Variants in KDM2A observed in about 807,000 individuals in gnomAD.
KDM2A encodes lysine-specific demethylase 2A.
A neutral mutation model predicts 137.3 loss-of-function variants in KDM2A; 3 were observed. That is an observed-to-expected ratio of 0.02 (90% CI 0.01 to 0.06). KDM2A has a LOEUF of 0.06. Among genes scored for constraint, KDM2A ranks in the 10% least tolerant of loss-of-function variants. The pLI is 1.00. For synonymous variants in KDM2A, 512 were observed against 541.5 expected, an observed-to-expected ratio of 0.95 and a Z score of 0.76; for missense variants, 738 against 1,510.6, an observed-to-expected ratio of 0.49 and a Z score of 8.48.
chr11:67,238,614 C>T (rs1252340412), intron 12 of KDM2A, among the ~76,000 whole-genome samples: 1 of 152,088 alleles, frequency 6.6e-6, no homozygotes, highest in Non-Finnish European at 1.5e-5. Context: ...ATAAAAATAA[C>T]ATATGTAGCC....
chr11:67,213,047 T>A (rs1458095394), intron 6 of KDM2A, among the ~76,000 whole-genome samples: 1 of 152,218 alleles, frequency 6.6e-6, no homozygotes, highest in Non-Finnish European at 1.5e-5. Flanking sequence ...CAGAAATTCT[T>A]TGAAATGGAA....
chr11:67,208,436 A>G (rs1426612318), intron 6 of KDM2A, among the ~76,000 whole-genome samples: 1 of 151,898 alleles, frequency 6.6e-6, no homozygotes, highest in East Asian at 1.9e-4. Flanking sequence ...AACTTAATGT[A>G]GGAACATTGA....
chr11:67,249,569 T>A (rs141329683), intron 16 of KDM2A, among the ~76,000 whole-genome samples: 2 of 152,168 alleles, frequency 1.3e-5, no homozygotes, highest in Non-Finnish European at 2.9e-5. Flanking sequence ...GGGGCTCTTG[T>A]GGGATTCCTC....
intron 2 of KDM2A, among the ~76,000 whole-genome samples, chr11:67,162,698 G>A (rs757083484): frequency 1.3e-5 from 2 of 151,850 alleles, no homozygotes; most frequent in Non-Finnish European, 2.9e-5. Context: ...GAGCCACCGC[G>A]CCCGGCCTGC....
chr11:67,184,870 C>CA (rs770651000), intron 5 of KDM2A, among the ~76,000 whole-genome samples: 5 of 151,836 alleles, frequency 3.3e-5, no homozygotes, highest in Non-Finnish European at 7.4e-5. Flanking sequence ...TAATAAAACA[C>CA]AAAAAACCCT....
chr11:67,186,860 G>C (rs1021161276), intron 5 of KDM2A, among the ~76,000 whole-genome samples: 1 of 152,136 alleles, frequency 6.6e-6, no homozygotes, highest in Non-Finnish European at 1.5e-5. Context: ...TTGAACCCAG[G>C]AATTCAAGAC....
chr11:67,166,185 CT>C lies in KDM2A; in HGVS notation c.43-13875del, dbSNP rs926802116. The stretch of plus-strand genomic sequence containing the variant: ...GACTTTCAGGAGAAACAATATTTCT[CT>C]TTTTTTTTTTTTTTTTTTGAGACAG... On this transcript the variant is annotated intron_variant, in intron 2 of 20. Transcript: ENST00000529006. Among the ~76,000 whole-genome samples, 1,131 of 131,532 alleles carry C rather than the reference CT, an allele frequency of 8.6e-3. 3 individuals carry two copies. Among genetic ancestry groups the C allele is most frequent in the Middle Eastern group, 0.02 (5 of 246 alleles). 86.3% of individuals were successfully genotyped at this position (131,532 alleles called of 152,430 possible). A position where few individuals can be genotyped will look rare whatever the true frequency, so the allele number is the denominator to read the frequency against.
chr11:67,221,129 T>A (rs1858332690), intron 10 of KDM2A, among the ~76,000 whole-genome samples: 1 of 152,084 alleles, frequency 6.6e-6, no homozygotes, highest in African/African-American at 2.4e-5. Flanking sequence ...CCTTAGAGAA[T>A]GAGAGCTTAT....
intron 2 of KDM2A, among the ~76,000 whole-genome samples, chr11:67,126,061 A>G (rs896985081): frequency 1.4e-4 from 21 of 148,224 alleles, no homozygotes; most frequent in East Asian, 1.0e-3. Flanking sequence ...GCCTGACACA[A>G]CATGGAGAAA....
intron 5 of KDM2A, among the ~76,000 whole-genome samples, chr11:67,191,462 A>G (rs187339402): frequency 1.6e-3 from 249 of 152,336 alleles, no homozygotes; most frequent in African/African-American, 5.8e-3. Flanking sequence ...ATACTTGCAT[A>G]CTAAATTCAG....
chr11:67,132,343 G>A (rs1019251170), intron 2 of KDM2A, among the ~76,000 whole-genome samples: 1 of 152,210 alleles, frequency 6.6e-6, no homozygotes, highest in African/African-American at 2.4e-5. Context: ...GAGTGCAATG[G>A]CACGATCTCG....
intron 2 of KDM2A, among the ~76,000 whole-genome samples, chr11:67,150,229 A>G (rs1018622504): frequency 2.6e-5 from 4 of 152,228 alleles, no homozygotes; most frequent in Non-Finnish European, 4.4e-5. Flanking sequence ...ATAGATCAGA[A>G]CTTAAGAAAT....
At chr11:67,183,455 T>C (rs1331932390) in intron 5 of KDM2A, among the ~76,000 whole-genome samples, 1 of 152,226 alleles carries the variant, frequency 6.6e-6, no homozygotes, top group African/African-American at 2.4e-5. Flanking sequence ...TGTAGGAAGA[T>C]GGCAGAGTAG....
chr11:67,168,582 T>TACAC (rs71056179), intron 2 of KDM2A, among the ~76,000 whole-genome samples: 1 of 33,984 alleles, frequency 2.9e-5, no homozygotes, highest in African/African-American at 1.3e-4. Context: ...GTATGAATTA[T>TACAC]ACACACACAC....
At chr11:67,130,784 G>T (rs1855837420) in intron 2 of KDM2A, among the ~76,000 whole-genome samples, 1 of 152,012 alleles carries the variant, frequency 6.6e-6, no homozygotes, top group Non-Finnish European at 1.5e-5. Context: ...CAGATAGTAG[G>T]CTAGGTTCTT....
intron 2 of KDM2A, among the ~76,000 whole-genome samples, chr11:67,127,793 C>T (rs992652666): frequency 4.6e-5 from 7 of 152,140 alleles, no homozygotes; most frequent in African/African-American, 1.7e-4. Context: ...CCGCAACCTC[C>T]CTCTCCTGGG....
intron 8 of KDM2A, chr11:67,217,417 A>G (rs551838490): frequency 7.5e-5 from 25 of 334,698 alleles, no homozygotes; most frequent in Non-Finnish European, 1.2e-4. Flanking sequence ...ACTACTTAGG[A>G]CTCTGGAAGC....
intron 2 of KDM2A, among the ~76,000 whole-genome samples, chr11:67,163,341 C>G (rs1856674512): frequency 6.6e-6 from 1 of 152,092 alleles, no homozygotes; most frequent in Non-Finnish European, 1.5e-5. Context: ...AATTTCATCC[C>G]TAGGATTAGA....
At chr11:67,184,848 CAA>C (rs1177832097) in intron 5 of KDM2A, among the ~76,000 whole-genome samples, 3 of 151,966 alleles carry the variant, frequency 2.0e-5, no homozygotes, top group African/African-American at 7.2e-5. Flanking sequence ...AAAACAAAAA[CAA>C]AACACACAAT....
Sources: gnomAD v4.1 joint callset for allele counts (sites outside exome capture counted in the v4.1 genomes callset) on GRCh38, gnomAD v4.1.1 for gene constraint, MANE v1.5 for transcripts, NCBI Gene and HGNC (gene_info 2026-07-23, HGNC 2026-07-21) for gene names.